Variants in NR1D2 observed in about 807,000 individuals in gnomAD.
The protein encoded by NR1D2 is nuclear receptor subfamily 1 group D member 2, also known as V-erbA-related protein 1-related.
A neutral mutation model predicts 52.2 loss-of-function variants in NR1D2; 25 were observed. The ratio of observed to expected loss-of-function variants is 0.48; its 90% CI spans 0.35 to 0.67. The LOEUF (loss-of-function observed/expected upper bound fraction) is 0.67, where lower values mean the gene tolerates loss of function less well. Ranked by LOEUF, NR1D2 falls within the 30% of genes least tolerant of loss-of-function variation. The probability of loss-of-function intolerance (pLI) is 0.01; values close to 1 mark genes in which losing one functional copy is unlikely to be tolerated. For synonymous variants in NR1D2, 259 were observed against 230.1 expected, an observed-to-expected ratio of 1.13 and a Z score of -1.14; for missense variants, 681 against 707.2, an observed-to-expected ratio of 0.96 and a Z score of 0.42.
chr3:23,956,798 G>A (rs1706091795), intron 3 of NR1D2, among the ~76,000 whole-genome samples: 1 of 151,976 alleles, frequency 6.6e-6, no homozygotes, highest in Admixed American at 6.6e-5. Flanking sequence ...TAAAAAACTT[G>A]GCACAATCTT....
At chr3:23,975,289 A>AT (rs549443441) in intron 7 of NR1D2, among the ~76,000 whole-genome samples, 29,652 of 142,648 alleles carry the variant, frequency 0.21, 2,972 homozygotes, top group Non-Finnish European at 0.22. Context: ...ATTCAATTAA[A>AT]TTTTTTTTTT....
rs1443748761 is a variant in NR1D2, at chr3:23,978,632, T to G, written c.*1213T>G. The G allele has an allele frequency of 6.6e-6, 1 of 152,160 alleles. No homozygotes were observed. The highest frequency in any genetic ancestry group is 2.4e-5 in the African/African-American group (1 of 41,450). 9.4% of individuals were successfully genotyped at this position (152,160 alleles called of 1,614,324 possible). On this transcript the variant is annotated 3_prime_UTR_variant, in exon 8 of 8. Coordinates refer to ENST00000312521, the MANE Select transcript of NR1D2 (RefSeq NM_005126.5). Reference sequence around the variant, plus strand: ...TTATACACATGCTGCAGCTTGATGTTAAAGAATTTTTATTCTTTCTGAAGA... The same window carrying G: ...TTATACACATGCTGCAGCTTGATGTGAAAGAATTTTTATTCTTTCTGAAGA...
intron 4 of NR1D2, 165 bp downstream of exon 4, chr3:23,959,980 T>C (rs1439194130): frequency 9.9e-6 from 5 of 503,714 alleles, no homozygotes; most frequent in Non-Finnish European, 1.6e-5. Context: ...ATTAAAGTCG[T>C]ATTTTAGCAT....
chr3:23,953,592 A>C (rs999732801), intron 1 of NR1D2, among the ~76,000 whole-genome samples: 5 of 152,110 alleles, frequency 3.3e-5, no homozygotes, highest in African/African-American at 1.2e-4. Context: ...TGGGGTAGAG[A>C]AGGGAGAGTA....
Position 23,954,680 on chromosome 3 carries a change from A to C in NR1D2, c.160A>C (p.Asn54His). The C allele has an allele frequency of 6.2e-7, 1 of 1,614,176 alleles. No individual in the cohort carries two copies. Among genetic ancestry groups the C allele is most frequent in the Non-Finnish European group, 8.5e-7 (1 of 1,179,998 alleles). The change falls in exon 2 of 8, where the codon AAT (asparagine) becomes CAT (histidine). Residue 54 changes from asparagine to histidine, a missense_variant. Asn to His is a moderately conservative substitution (Grantham distance 68). Around this residue, in one of 3 missense-constraint regions of NR1D2, gnomAD observed 94 missense variants for 90.4 expected, o/e 1.04. Transcript: ENST00000312521. ...PNSSNSDTNG[N>H]PKNGDLANIE... ...TAGCTCTAATTCTGATACCAATGGT[A>C]ATCCCAAGAATGGTGATCTCGCCAA... is the stretch of plus-strand genomic sequence containing the variant.
chr3:23,968,448 G>A (rs1706507620), intron 7 of NR1D2, among the ~76,000 whole-genome samples: 1 of 152,220 alleles, frequency 6.6e-6, no homozygotes, highest in African/African-American at 2.4e-5. Context: ...GCAGAGAAAT[G>A]TGAATTAGTT....
chr3:23,963,200 C>G (rs1706332570), intron 5 of NR1D2: 4 of 1,157,876 alleles, frequency 3.5e-6, no homozygotes, highest in Non-Finnish European at 4.7e-6. Context: ...ATTTTTCCAT[C>G]AAATACGACA....
intron 3 of NR1D2, among the ~76,000 whole-genome samples, chr3:23,956,409 A>G (rs1056614882): frequency 1.3e-5 from 2 of 152,250 alleles, no homozygotes; most frequent in African/African-American, 4.8e-5. Flanking sequence ...ATGCTCATTC[A>G]TTAATGTGTC....
At chr3:23,969,693 T>A (rs1423604584) in intron 7 of NR1D2, among the ~76,000 whole-genome samples, 1 of 152,202 alleles carries the variant, frequency 6.6e-6, no homozygotes, top group Non-Finnish European at 1.5e-5. Context: ...GGCACAAGCT[T>A]GCTAAGTGTT....
chr3:23,979,837 A>G lies in NR1D2; in HGVS notation c.*2418A>G, dbSNP rs1465684052. On this transcript the variant is annotated 3_prime_UTR_variant, in exon 8 of 8. Coordinates refer to ENST00000312521, the MANE Select transcript of NR1D2 (RefSeq NM_005126.5). ...CTTCTGAGTTGGTGGGACACTGTTG[A>G]TTAATAATGTACTGTATGAATTAAG... is the stretch of plus-strand genomic sequence containing the variant. 1 of 152,160 alleles carries G rather than the reference A, an allele frequency of 6.6e-6. No individual in the cohort carries two copies. The highest frequency in any genetic ancestry group is 1.9e-4 in the East Asian group (1 of 5,206). The allele number at this position is 152,160 out of a possible 1,614,324, so 9.4% of individuals were successfully genotyped here. A position where few individuals can be genotyped will look rare whatever the true frequency, so the allele number is the denominator to read the frequency against.
intron 3 of NR1D2, among the ~76,000 whole-genome samples, chr3:23,957,132 G>A (rs1208446124): frequency 1.3e-5 from 2 of 151,930 alleles, no homozygotes; most frequent in South Asian, 2.1e-4. Context: ...ACAGGCACAC[G>A]CCACCACTCC....
At chr3:23,976,851 G>C (rs928329679) in intron 7 of NR1D2, among the ~76,000 whole-genome samples, 2 of 152,196 alleles carry the variant, frequency 1.3e-5, no homozygotes, top group Non-Finnish European at 2.9e-5. Context: ...ACAAATGGGA[G>C]TGTATTCCAT....
At chr3:23,956,813 C>T (rs1575149729) in intron 3 of NR1D2, among the ~76,000 whole-genome samples, 5 of 152,222 alleles carry the variant, frequency 3.3e-5, no homozygotes, top group Admixed American at 3.3e-4. Context: ...AATCTTTTCT[C>T]CTGAGTATCA....
At position 23,979,584 on chromosome 3, in the gene NR1D2, A is replaced by G. The variant is rs1360595641; in HGVS notation, c.*2165A>G. 1 of 152,070 alleles carries G rather than the reference A, an allele frequency of 6.6e-6. No individual in the cohort carries two copies. The highest frequency in any genetic ancestry group is 2.4e-5 in the African/African-American group (1 of 41,438). 9.4% of individuals were successfully genotyped at this position (152,070 alleles called of 1,614,324 possible). A position where few individuals can be genotyped will look rare whatever the true frequency, so the allele number is the denominator to read the frequency against. The stretch of plus-strand genomic sequence containing the variant: ...TATACATCTCTATATAGGTATATAG[A>G]TTTGCATTTTGTCTTGTAAAATTTT... On this transcript the variant is annotated 3_prime_UTR_variant, in exon 8 of 8. Transcript: ENST00000312521.
intron 6 of NR1D2, 125 bp downstream of exon 6, chr3:23,965,287 T>G (rs561311308): frequency 1.4e-6 from 1 of 731,776 alleles, no homozygotes; most frequent in Non-Finnish European, 2.1e-6. Flanking sequence ...TCACCCAGGC[T>G]GGAGTGCAGC....
At chr3:23,970,969 G>A (rs1236592094) in intron 7 of NR1D2, among the ~76,000 whole-genome samples, 1 of 151,998 alleles carries the variant, frequency 6.6e-6, no homozygotes, top group African/African-American at 2.4e-5. Context: ...TCAGTAGACA[G>A]GGGGTTTCTC....
Position 23,954,782 on chromosome 3 carries a change from A to C in NR1D2, c.262A>C (p.Lys88Gln), listed in dbSNP as rs1252834948. The change falls in exon 2 of 8, where the codon AAA becomes CAA. Residue 88 changes from lysine (K) to glutamine (Q), a missense_variant. Physicochemically the swap from Lys to Gln is moderately conservative, Grantham distance 53. This residue lies in a region of NR1D2 where 112 missense variants were observed against 162.3 expected (regional missense o/e 0.69). Transcript: ENST00000312521. Reference sequence around the variant, plus strand: ...CAAATCGAGTGCACCTGGGATGACAAAAAGTCATAGTGGTGTGACAAGTAA... The same window carrying C: ...CAAATCGAGTGCACCTGGGATGACACAAAGTCATAGTGGTGTGACAAGTAA... ...TSKSSAPGMTKSHSGVTKFSG... is the reference protein window; with the variant it reads ...TSKSSAPGMTQSHSGVTKFSG... 2 of 1,614,120 alleles carry C rather than the reference A, an allele frequency of 1.2e-6. No individual in the cohort carries two copies. The highest frequency in any genetic ancestry group is 1.7e-6 in the Non-Finnish European group (2 of 1,179,948).
At chr3:23,954,128 A>G (rs1472380426) in intron 1 of NR1D2, among the ~76,000 whole-genome samples, 3 of 152,182 alleles carry the variant, frequency 2.0e-5, no homozygotes, top group Admixed American at 1.3e-4. Context: ...AGCCTTCTGA[A>G]TAGCTGGCAC....
chr3:23,945,605 G>A lies in NR1D2; in HGVS notation c.16+11G>A, dbSNP rs1705639844. 2 of 1,170,350 alleles carry A rather than the reference G, an allele frequency of 1.7e-6. No individual in the cohort carries two copies. The highest frequency in any genetic ancestry group is 7.9e-5 in the East Asian group (2 of 25,458). 72.5% of individuals were successfully genotyped at this position (1,170,350 alleles called of 1,614,324 possible). A position where few individuals can be genotyped will look rare whatever the true frequency, so the allele number is the denominator to read the frequency against. On this transcript the variant is annotated intron_variant, in intron 1 of 7. Transcript: ENST00000312521. Reference sequence around the variant, plus strand: ...TGGAGGTGAATGCAGGTAAGAACCGGACTGCGGCGGGTGGGGGATGGCCGG... The same window carrying A: ...TGGAGGTGAATGCAGGTAAGAACCGAACTGCGGCGGGTGGGGGATGGCCGG...
Sources: allele counts gnomAD v4.1 joint callset (sites outside exome capture counted in the v4.1 genomes callset), GRCh38; gene constraint gnomAD v4.1.1; regional missense constraint gnomAD v4.1.1; transcripts MANE v1.5; gene names NCBI Gene and HGNC (gene_info 2026-07-23, HGNC 2026-07-21).